DOCK10: variants seen among roughly 807,000 people sequenced by gnomAD.
DOCK10 encodes the protein dedicator of cytokinesis protein 10.
DOCK10 carries 145 observed loss-of-function variants against 280.1 expected under a neutral mutation model. The ratio of observed to expected loss-of-function variants is 0.52; its 90% CI spans 0.45 to 0.59. The LOEUF is 0.59. Among genes scored for constraint, DOCK10 ranks in the 20% least tolerant of loss-of-function variants. The pLI is 0.00. For missense variants in DOCK10, 2,368 were observed against 2,651.7 expected, an observed-to-expected ratio of 0.89 and a Z score of 2.35; for synonymous variants, 915 against 942.2, an observed-to-expected ratio of 0.97 and a Z score of 0.53.
chr2:224,826,916 T>C (rs1694904572), intron 27 of DOCK10, among the ~76,000 whole-genome samples: 1 of 151,696 alleles, frequency 6.6e-6, no homozygotes, highest in African/African-American at 2.4e-5. Flanking sequence ...TGAGCTATGA[T>C]TGTGCCACTG....
intron 13 of DOCK10, 142 bp downstream of exon 13, chr2:224,864,411 G>C (rs951880774): frequency 1.3e-6 from 1 of 785,290 alleles, no homozygotes; most frequent in African/African-American, 1.8e-5. Flanking sequence ...TGGGGAGGCT[G>C]AGGCAAGAGA....
In DOCK10 at chr2:224,982,604, T is replaced by G. The variant is rs1000353407; in HGVS notation, c.124-50936A>C. 1.0e-5 allele frequency: 8 copies of G among 783,970 alleles called. No homozygotes were observed. The African/African-American group carries it at 1.5e-4, about 15-fold the overall frequency. The allele number at this position is 783,970 out of a possible 1,614,324, so 48.6% of individuals were successfully genotyped here. A position where few individuals can be genotyped will look rare whatever the true frequency, so the allele number is the denominator to read the frequency against. On this transcript the variant is annotated intron_variant, in intron 1 of 55. Coordinates refer to ENST00000258390, the MANE Select transcript of DOCK10 (RefSeq NM_014689.3). Reference sequence around the variant, plus strand: ...ATATTAGAGCACTGCGCTCAGAAAGTATTTCTCAATTCACATCGAGAGCAT... The same window carrying G: ...ATATTAGAGCACTGCGCTCAGAAAGGATTTCTCAATTCACATCGAGAGCAT...
chr2:224,884,389 C>A (rs1240847263), intron 7 of DOCK10, among the ~76,000 whole-genome samples: 1 of 152,172 alleles, frequency 6.6e-6, no homozygotes, highest in African/African-American at 2.4e-5. Context: ...GAAAGTACTT[C>A]TCTACTGGCC....
rs1367578368 is a variant in DOCK10, at chr2:224,787,661, G to C, written c.5419-264C>G. 2.6e-5 allele frequency among the ~76,000 whole-genome samples: 4 copies of C among 152,036 alleles called. No individual in the cohort carries two copies. In the South Asian group the frequency reaches 8.3e-4, roughly 32 times the overall value. On this transcript the variant is annotated intron_variant, in intron 48 of 55. Transcript: ENST00000258390. Reference sequence around the variant, plus strand: ...TCCCATTCCCACTGCTACTGACTTCGTACTCCCTGACCCCTGCTATAGTTT... The same window carrying C: ...TCCCATTCCCACTGCTACTGACTTCCTACTCCCTGACCCCTGCTATAGTTT...
chr2:224,979,607 G>A (rs566709470), intron 1 of DOCK10, among the ~76,000 whole-genome samples: 1 of 152,292 alleles, frequency 6.6e-6, no homozygotes, highest in South Asian at 2.1e-4. Flanking sequence ...TCCCACATTA[G>A]GGCCTTTCGC....
At chr2:224,804,915 T>G (rs926902311) in intron 37 of DOCK10, 74 bp from the exon 38 acceptor site, 22 of 1,286,924 alleles carry the variant, frequency 1.7e-5, no homozygotes, top group Non-Finnish European at 2.2e-5. Context: ...CTAAGTATAT[T>G]GAAAGAAAAA....
At chr2:224,965,694 T>G (rs1000999264) in intron 1 of DOCK10, among the ~76,000 whole-genome samples, 1 of 152,212 alleles carries the variant, frequency 6.6e-6, no homozygotes, top group African/African-American at 2.4e-5. Flanking sequence ...TAGCAGGTGC[T>G]CCATAATTAT....
chr2:224,876,978 CT>C (rs1172469576), intron 7 of DOCK10, among the ~76,000 whole-genome samples: 1 of 152,180 alleles, frequency 6.6e-6, no homozygotes, highest in Non-Finnish European at 1.5e-5. Flanking sequence ...AGCTTGACAT[CT>C]CTACTTTGCA....
intron 1 of DOCK10, among the ~76,000 whole-genome samples, chr2:225,025,441 T>C (rs767591056): frequency 1.1e-4 from 16 of 152,196 alleles, no homozygotes; most frequent in Admixed American, 7.9e-4. Flanking sequence ...AAAAATCTAA[T>C]GCACAATCTA....
Position 224,874,706 on chromosome 2 carries a change from G to T in DOCK10, c.977C>A (p.Thr326Lys). Residue 326 changes from threonine (T) to lysine (K), a missense_variant, in exon 9 of 56, where the codon ACA becomes AAA. By Grantham distance (78) the Thr-to-Lys change is moderately conservative. Coordinates refer to ENST00000258390, the MANE Select transcript of DOCK10 (RefSeq NM_014689.3). ...SVTCECTPEE[T>K]DSSENNLHAD... is the part of the protein sequence containing the mutation. ...GTGTAGGTTGTTCTCTGAAGAATCT[G>T]TTTCCTCTGGCGTGCATTCACAAGT... is the stretch of plus-strand genomic sequence containing the variant. The T allele has an allele frequency of 6.2e-7, 1 of 1,613,946 alleles. No individual in the cohort carries two copies. The highest frequency in any genetic ancestry group is 1.3e-5 in the African/African-American group (1 of 75,044).
chr2:224,990,756 C>T (rs1275249458), intron 1 of DOCK10, among the ~76,000 whole-genome samples: 1 of 152,146 alleles, frequency 6.6e-6, no homozygotes, highest in Non-Finnish European at 1.5e-5. Context: ...AAATCCCCTT[C>T]CCTGTTGTTT....
At position 224,916,819 on chromosome 2, in the gene DOCK10, G is replaced by A. The variant is rs145988129; in HGVS notation, c.244-35C>T. On this transcript the variant is annotated intron_variant, in intron 2 of 55. Transcript: ENST00000258390. ...ACAATGAAAAGAAATTGAGTCCTCC[G>A]GCTTAGAAGTGTCGAGCAGACCAGC... 679 of 1,541,810 alleles carry A rather than the reference G, an allele frequency of 4.4e-4. 2 individuals carry two copies. The African/African-American group carries it at 7.2e-3, about 16-fold the overall frequency.
In DOCK10 at chr2:224,876,143, ACT is replaced by A; in HGVS notation, c.824_825del (p.Glu275ValfsTer5). The A allele has an allele frequency of 3.7e-6, 6 of 1,613,520 alleles. No homozygotes were observed. Among genetic ancestry groups the A allele is most frequent in the Non-Finnish European group, 5.1e-6 (6 of 1,179,760 alleles). ...LTYFVLAAET[E>X]SDMDEWIHTL... Reference sequence around the variant, plus strand: ...GTGTGGATCCATTCATCCATATCTGACTCTGTTTCAGCTGCCAGCACAAAATA... The same window carrying A: ...GTGTGGATCCATTCATCCATATCTGACTGTTTCAGCTGCCAGCACAAAATA... On this transcript the variant is annotated frameshift_variant, in exon 8 of 56. Coordinates refer to ENST00000258390, the MANE Select transcript of DOCK10 (RefSeq NM_014689.3). LOFTEE classifies it high-confidence loss of function.
intron 7 of DOCK10, among the ~76,000 whole-genome samples, chr2:224,883,821 A>T (rs775410170): frequency 6.6e-6 from 1 of 152,214 alleles, no homozygotes; most frequent in Non-Finnish European, 1.5e-5. Context: ...TGATTCTTTG[A>T]AGAAGAAAAA....
intron 4 of DOCK10, among the ~76,000 whole-genome samples, chr2:224,890,470 T>C (rs1282143159): frequency 6.6e-6 from 1 of 152,208 alleles, no homozygotes; most frequent in Admixed American, 6.5e-5. Context: ...ATGACTGAGA[T>C]AGACTATAAA....
At chr2:224,927,232 C>T (rs904338639) in intron 2 of DOCK10, among the ~76,000 whole-genome samples, 2 of 151,940 alleles carry the variant, frequency 1.3e-5, no homozygotes, top group Non-Finnish European at 2.9e-5. Context: ...GATGTCTGTG[C>T]AGTGACTGAG....
At chr2:224,985,915 T>C (rs1369530559) in intron 1 of DOCK10, among the ~76,000 whole-genome samples, 1 of 152,222 alleles carries the variant, frequency 6.6e-6, no homozygotes, top group Non-Finnish European at 1.5e-5. Context: ...TTAATTTAAA[T>C]AAATAATGTC....
At chr2:224,845,400 A>G in intron 20 of DOCK10, 76 bp from the exon 21 acceptor site, 1 of 1,529,870 alleles carries the variant, frequency 6.5e-7, no homozygotes, top group East Asian at 2.3e-5. Context: ...GCTATTTATT[A>G]TTTACGAACA....
At chr2:224,881,713 C>A (rs541020368) in intron 7 of DOCK10, among the ~76,000 whole-genome samples, 1 of 152,192 alleles carries the variant, frequency 6.6e-6, no homozygotes, top group Admixed American at 6.5e-5. Context: ...ATGAAGAAAA[C>A]CACAAGTATA....
Sources: gnomAD v4.1 joint callset for allele counts (sites outside exome capture counted in the v4.1 genomes callset) on GRCh38, gnomAD v4.1.1 for gene constraint, MANE v1.5 for transcripts, NCBI Gene and HGNC (gene_info 2026-07-23, HGNC 2026-07-21) for gene names.